Variants in SLC24A2 observed in about 807,000 individuals in gnomAD.
The protein encoded by SLC24A2 is solute carrier family 24 member 2.
Under a neutral mutation model 62.0 loss-of-function variants are expected in SLC24A2, and 36 were observed. That is an observed-to-expected ratio of 0.58 (90% confidence interval 0.44 to 0.77). The LOEUF is 0.77. SLC24A2 is among the 30% of genes least tolerant of loss of function. The pLI is 0.00. For synonymous variants in SLC24A2, 358 were observed against 294.0 expected (o/e 1.22, Z -2.23); for missense variants, 846 against 817.9 (o/e 1.03, Z -0.42).
intron 9 of SLC24A2, among the ~76,000 whole-genome samples, chr9:19,527,426 G>C (rs10491556): frequency 0.29 from 44,189 of 151,996 alleles, 7,225 homozygotes; most frequent in East Asian, 0.56. Flanking sequence ...TAAAGACAAA[G>C]GGATGTGAAT....
chr9:20,193,947 A>G, the SLC24A2 span, among the ~76,000 whole-genome samples: 1 of 152,202 alleles, frequency 6.6e-6, no homozygotes, highest in Non-Finnish European at 1.5e-5. Flanking sequence ...AGATTTATCA[A>G]AGAATTATAG....
chr9:19,984,386 C>T, the SLC24A2 span, among the ~76,000 whole-genome samples: 3 of 152,084 alleles, frequency 2.0e-5, no homozygotes, highest in Non-Finnish European at 2.9e-5. Context: ...AACACACAGA[C>T]TAGTGAAATA....
At chr9:20,073,271 T>G in the SLC24A2 span, among the ~76,000 whole-genome samples, 1 of 152,072 alleles carries the variant, frequency 6.6e-6, no homozygotes, top group African/African-American at 2.4e-5. Context: ...AGTTATGGTG[T>G]TTTGGGGAGA....
the SLC24A2 span, among the ~76,000 whole-genome samples, chr9:20,111,613 A>C: frequency 1.3e-5 from 2 of 152,154 alleles, no homozygotes; most frequent in Non-Finnish European, 2.9e-5. Context: ...GCTTGTTAGA[A>C]ATGTAGACTC....
the SLC24A2 span, among the ~76,000 whole-genome samples, chr9:20,107,718 G>C: frequency 0.016 from 2,413 of 152,178 alleles, 70 homozygotes; most frequent in African/African-American, 0.054. Flanking sequence ...AGACTTAAAT[G>C]TTAGACCTAA....
chr9:19,974,373 G>A, the SLC24A2 span, among the ~76,000 whole-genome samples: 1 of 152,122 alleles, frequency 6.6e-6, no homozygotes, highest in African/African-American at 2.4e-5. Context: ...TTTAAGGTCT[G>A]TACTCCAAGC....
chr9:19,807,627 C>T, the SLC24A2 span, among the ~76,000 whole-genome samples: 5 of 152,220 alleles, frequency 3.3e-5, no homozygotes, highest in Non-Finnish European at 5.9e-5. Context: ...AAGTCTCTTT[C>T]ACATGCTAAT....
intron 7 of SLC24A2, among the ~76,000 whole-genome samples, chr9:19,569,919 C>T (rs1252282403): frequency 6.6e-6 from 1 of 152,194 alleles, no homozygotes; most frequent in African/African-American, 2.4e-5. Flanking sequence ...GAACTTCAGT[C>T]TCAGTTCAAA....
the SLC24A2 span, among the ~76,000 whole-genome samples, chr9:19,875,669 G>T: frequency 6.6e-6 from 1 of 152,198 alleles, no homozygotes; most frequent in African/African-American, 2.4e-5. Flanking sequence ...TGAAGTACAG[G>T]CCTGCACCCA....
At chr9:19,554,760 A>C (rs1834999867) in intron 7 of SLC24A2, among the ~76,000 whole-genome samples, 1 of 152,190 alleles carries the variant, frequency 6.6e-6, no homozygotes, top group African/African-American at 2.4e-5. Flanking sequence ...CCACAGCAGA[A>C]GATAATCTTG....
chr9:19,636,431 TC>T (rs1818358431), intron 2 of SLC24A2, among the ~76,000 whole-genome samples: 1 of 144,386 alleles, frequency 6.9e-6, no homozygotes, highest in Non-Finnish European at 1.5e-5. Context: ...TCTTCTCTTC[TC>T]TTCTCTTTTC....
the SLC24A2 span, among the ~76,000 whole-genome samples, chr9:19,887,042 G>C: frequency 6.6e-6 from 1 of 152,258 alleles, no homozygotes; most frequent in East Asian, 1.9e-4. Context: ...ACACACACTA[G>C]GGCCTGTAAG....
intron 2 of SLC24A2, among the ~76,000 whole-genome samples, chr9:19,657,144 G>A (rs914137136): frequency 5.9e-5 from 9 of 152,164 alleles, no homozygotes; most frequent in African/African-American, 1.4e-4. Context: ...AGAAGAGTCC[G>A]TTTACATTCA....
At chr9:20,307,817 C>G in the SLC24A2 span, among the ~76,000 whole-genome samples, 3 of 152,264 alleles carry the variant, frequency 2.0e-5, no homozygotes, top group East Asian at 1.9e-4. Context: ...ATAACATCCG[C>G]TTCTCCCAGG....
At chr9:19,847,020 T>G in the SLC24A2 span, among the ~76,000 whole-genome samples, 12 of 152,062 alleles carry the variant, frequency 7.9e-5, no homozygotes, top group African/African-American at 2.9e-4. Flanking sequence ...AAATCCAGTC[T>G]CTTAAAAAAA....
chr9:19,650,099 C>T (rs1818756279), intron 2 of SLC24A2, among the ~76,000 whole-genome samples: 1 of 152,128 alleles, frequency 6.6e-6, no homozygotes, highest in African/African-American at 2.4e-5. Flanking sequence ...ACCTCGTAGG[C>T]TATTTTGAAG....
intron 7 of SLC24A2, among the ~76,000 whole-genome samples, chr9:19,557,339 G>A (rs543820081): frequency 6.6e-6 from 1 of 152,204 alleles, no homozygotes; most frequent in African/African-American, 2.4e-5. Flanking sequence ...GAAATTACAG[G>A]AAAGAGAAGC....
the SLC24A2 span, among the ~76,000 whole-genome samples, chr9:20,181,769 G>A: frequency 6.6e-6 from 1 of 152,152 alleles, no homozygotes; most frequent in African/African-American, 2.4e-5. Context: ...GGCAACAAAA[G>A]CCAAAATTGA....
At chr9:19,765,068 T>C (rs1822468270) in intron 2 of SLC24A2, among the ~76,000 whole-genome samples, 1 of 152,224 alleles carries the variant, frequency 6.6e-6, no homozygotes, top group Non-Finnish European at 1.5e-5. Context: ...TTGTCTTTTC[T>C]GATATTTGTT....
Sources: allele counts gnomAD v4.1 joint callset (sites outside exome capture counted in the v4.1 genomes callset), GRCh38; gene constraint gnomAD v4.1.1; transcripts MANE v1.5; gene names NCBI Gene and HGNC (gene_info 2026-07-23, HGNC 2026-07-21).